RERG: variants seen among roughly 807,000 people sequenced by gnomAD.
RERG encodes the protein ras-related and estrogen-regulated growth inhibitor.
Under a neutral mutation model 23.2 loss-of-function variants are expected in RERG, and 25 were observed. That is an observed-to-expected ratio of 1.08 (90% confidence interval 0.79 to 1.50). The LOEUF (loss-of-function observed/expected upper bound fraction) is 1.50, where lower values mean the gene tolerates loss of function less well. Among genes scored for constraint, RERG ranks in the 40% most tolerant of loss-of-function variants. The pLI is 0.00. For missense variants in RERG, 253 were observed against 250.1 expected (o/e 1.01, Z -0.08); for synonymous variants, 81 against 89.1 (o/e 0.91, Z 0.51).
At chr12:15,217,831 A>C (rs1261015434) in intron 1 of RERG, 1 of 211,510 alleles carries the variant, frequency 4.7e-6, no homozygotes, top group African/African-American at 2.3e-5. Context: ...GTGCATTATC[A>C]CACACAATAG....
intron 2 of RERG, among the ~76,000 whole-genome samples, chr12:15,164,889 A>AC (rs1864665154): frequency 6.6e-6 from 1 of 152,190 alleles, no homozygotes; most frequent in Non-Finnish European, 1.5e-5. Context: ...GGTATTATTG[A>AC]AGTTTTCCAG....
intron 4 of RERG, among the ~76,000 whole-genome samples, chr12:15,110,475 T>C (rs1179847446): frequency 2.9e-4 from 36 of 124,358 alleles, no homozygotes; most frequent in African/African-American, 9.0e-4. Flanking sequence ...TTTTTTTTTT[T>C]TTTTTTTTTT....
At chr12:15,167,951 T>C (rs1864720330) in intron 2 of RERG, among the ~76,000 whole-genome samples, 2 of 152,332 alleles carry the variant, frequency 1.3e-5, no homozygotes, top group South Asian at 2.1e-4. Context: ...ACTATGGCCC[T>C]GAGAGAAGGT....
At chr12:15,190,326 A>C (rs1005532225) in intron 2 of RERG, among the ~76,000 whole-genome samples, 4 of 152,174 alleles carry the variant, frequency 2.6e-5, no homozygotes, top group African/African-American at 9.6e-5. Flanking sequence ...AAAAAATCAC[A>C]AAAGAATCTC....
At chr12:15,121,233 C>A in intron 2 of RERG, 114 bp from the exon 3 acceptor site, 2 of 711,360 alleles carry the variant, frequency 2.8e-6, no homozygotes, top group Non-Finnish European at 4.7e-6. Context: ...TTTATATTTC[C>A]TTGATATATA....
chr12:15,134,648 T>A (rs1204307991), intron 2 of RERG, among the ~76,000 whole-genome samples: 1 of 152,170 alleles, frequency 6.6e-6, no homozygotes, highest in Non-Finnish European at 1.5e-5. Context: ...GGAGTCTTGC[T>A]CTGTTGCCCA....
intron 3 of RERG, among the ~76,000 whole-genome samples, chr12:15,117,675 G>GCGCGCGCGCACACACA (rs1555119493): frequency 4.8e-5 from 7 of 145,020 alleles, no homozygotes; most frequent in African/African-American, 1.9e-4. Flanking sequence ...TCACACACGC[G>GCGCGCGCGCACACACA]CACACACACA....
At chr12:15,212,226 A>AT (rs1352319119) in intron 2 of RERG, among the ~76,000 whole-genome samples, 3 of 143,808 alleles carry the variant, frequency 2.1e-5, no homozygotes, top group Non-Finnish European at 3.1e-5. Flanking sequence ...CGCCCGGCTA[A>AT]TTTTTTGTAT....
chr12:15,170,945 G>GGA (rs1166525575), intron 2 of RERG, among the ~76,000 whole-genome samples: 2 of 152,094 alleles, frequency 1.3e-5, no homozygotes, highest in Non-Finnish European at 2.9e-5. Context: ...ACAATTCAAG[G>GGA]GAGCTTTAGA....
chr12:15,209,509 G>T (rs1004606471), intron 2 of RERG, among the ~76,000 whole-genome samples: 4 of 147,422 alleles, frequency 2.7e-5, no homozygotes, highest in African/African-American at 9.9e-5. Flanking sequence ...TGATTCATCA[G>T]TTTTTTTTTT....
At chr12:15,141,081 A>G (rs1864230450) in intron 2 of RERG, among the ~76,000 whole-genome samples, 1 of 150,398 alleles carries the variant, frequency 6.6e-6, no homozygotes, top group South Asian at 2.1e-4. Context: ...CAGTGTGGAG[A>G]GTGTTCATTT....
chr12:15,134,750 G>A (rs1412380022), intron 2 of RERG, among the ~76,000 whole-genome samples: 2 of 152,068 alleles, frequency 1.3e-5, no homozygotes, highest in Non-Finnish European at 2.9e-5. Flanking sequence ...AAGTAGCTGG[G>A]ATTATAAGCA....
rs562368381 is a variant in RERG at position 15,200,720 on chromosome 12, T to G, written c.61+16709A>C. 2.0e-5 allele frequency among the ~76,000 whole-genome samples: 3 copies of G among 152,088 alleles called. No homozygotes were observed. The East Asian group carries it at 5.8e-4, about 29-fold the overall frequency. On this transcript the variant is annotated intron_variant, in intron 2 of 4. Coordinates refer to ENST00000256953, the MANE Select transcript of RERG (RefSeq NM_032918.3). ...TGAAGAAAATGTCTTCAATCCAATATTTTGAACACATATCATCATTTAAAA... is the reference window on the plus strand; with the variant it reads ...TGAAGAAAATGTCTTCAATCCAATAGTTTGAACACATATCATCATTTAAAA...
intron 2 of RERG, among the ~76,000 whole-genome samples, chr12:15,143,537 T>TGGCAATGA (rs1460373346): frequency 1.3e-5 from 2 of 152,178 alleles, no homozygotes; most frequent in African/African-American, 4.8e-5. Context: ...ACTATGTGCA[T>TGGCAATGA]GGCAATGAGC....
At chr12:15,205,758 A>C (rs1250237437) in intron 2 of RERG, among the ~76,000 whole-genome samples, 1 of 152,154 alleles carries the variant, frequency 6.6e-6, no homozygotes, top group African/African-American at 2.4e-5. Context: ...AAGATTTAAA[A>C]AACAGGAAAT....
At chr12:15,141,886 G>A (rs994820077) in intron 2 of RERG, among the ~76,000 whole-genome samples, 15 of 152,030 alleles carry the variant, frequency 9.9e-5, no homozygotes, top group African/African-American at 3.6e-4. Context: ...CATTTATTTT[G>A]GCTCAGCCAT....
At position 15,183,333 on chromosome 12, in the gene RERG, C is replaced by T. The variant is rs570676390; in HGVS notation, c.61+34096G>A. Among the ~76,000 whole-genome samples the T allele has an allele frequency of 1.9e-3, 285 of 151,980 alleles. 1 individual carries two copies. Among genetic ancestry groups the T allele is most frequent in the African/African-American group, 6.7e-3 (278 of 41,462 alleles). On this transcript the variant is annotated intron_variant, in intron 2 of 4. Coordinates refer to ENST00000256953, the MANE Select transcript of RERG (RefSeq NM_032918.3). ...ATATAATAATCTGTAATCAAGAAAG[C>T]TCCAGAATATTGAAATTGAGTAATC...
chr12:15,213,573 G>A (rs1373016561), intron 2 of RERG, among the ~76,000 whole-genome samples: 1 of 152,106 alleles, frequency 6.6e-6, no homozygotes, highest in Non-Finnish European at 1.5e-5. Flanking sequence ...AAACTTAGAA[G>A]GAACAAGAAT....
intron 2 of RERG, among the ~76,000 whole-genome samples, chr12:15,149,925 C>T (rs536585477): frequency 1.3e-5 from 2 of 152,210 alleles, no homozygotes; most frequent in Non-Finnish European, 2.9e-5. Flanking sequence ...CTTTCCTTTG[C>T]GCTCTATGGC....
Sources: allele counts gnomAD v4.1 joint callset (sites outside exome capture counted in the v4.1 genomes callset), GRCh38; gene constraint gnomAD v4.1.1; transcripts MANE v1.5; gene names NCBI Gene and HGNC (gene_info 2026-07-23, HGNC 2026-07-21).